ZFHX3: variants seen among roughly 807,000 people sequenced by gnomAD.
ZFHX3 encodes the protein zinc finger homeobox protein 3.
In ZFHX3, 42 loss-of-function variants were observed where a neutral mutation model predicts 279.1. The ratio of observed to expected loss-of-function variants is 0.15; its 90% confidence interval spans 0.12 to 0.19. ZFHX3 has a LOEUF of 0.19. Ranked by LOEUF, ZFHX3 falls within the 10% of genes least tolerant of loss-of-function variation. The probability of loss-of-function intolerance (pLI) is 1.00; values close to 1 mark genes in which losing one functional copy is unlikely to be tolerated. For missense variants in ZFHX3, 4,981 were observed against 4,754.0 expected (o/e 1.05, Z -1.40); for synonymous variants, 2,293 against 1,957.8 (o/e 1.17, Z -4.52).
intron 4 of ZFHX3, among the ~76,000 whole-genome samples, chr16:72,857,999 A>G (rs12445722): frequency 0.043 from 6,481 of 152,300 alleles, 283 homozygotes; most frequent in African/African-American, 0.11. Flanking sequence ...CCTCAGCCTG[A>G]AAGGCGGGGC....
intron 1 of ZFHX3, among the ~76,000 whole-genome samples, chr16:73,055,428 C>CA (rs1306764085): frequency 6.6e-6 from 1 of 151,936 alleles, no homozygotes; most frequent in Non-Finnish European, 1.5e-5. Flanking sequence ...AAATATACAC[C>CA]AAAAAATAAA....
rs1350653768 is a variant in ZFHX3 at position 73,600,901 on chromosome 16, C to T, written c.-1547+79279G>A. 2.0e-5 allele frequency among the ~76,000 whole-genome samples: 3 copies of T among 152,068 alleles called. No homozygotes were observed. The East Asian group carries it at 5.8e-4, about 29-fold the overall frequency. On this transcript the variant is annotated intron_variant, in intron 2 of 17. Transcript: ENST00000641206. ...ATGGGGATTGGAACCCAGTCTAACT[C>T]CAGATCCACAAGCTATTCTTTACAC...
At chr16:73,266,861 C>A (rs2013991071) in intron 4 of ZFHX3, among the ~76,000 whole-genome samples, 1 of 152,214 alleles carries the variant, frequency 6.6e-6, no homozygotes, top group African/African-American at 2.4e-5. Flanking sequence ...GCCTCCCTAG[C>A]CATGTGGAAC....
chr16:73,335,581 A>G (rs987366656), intron 3 of ZFHX3, among the ~76,000 whole-genome samples: 3 of 152,216 alleles, frequency 2.0e-5, no homozygotes, highest in Admixed American at 6.5e-5. Flanking sequence ...TTCGTTGCCA[A>G]TGAAGATTCA....
intron 1 of ZFHX3, among the ~76,000 whole-genome samples, chr16:72,979,090 G>A (rs755360946): frequency 2.0e-5 from 3 of 152,154 alleles, no homozygotes; most frequent in Non-Finnish European, 4.4e-5. Flanking sequence ...CAACAGGAGA[G>A]CTCACACCTG....
intron 2 of ZFHX3, among the ~76,000 whole-genome samples, chr16:73,515,485 G>GA (rs1220701870): frequency 6.7e-6 from 1 of 149,806 alleles, no homozygotes; most frequent in East Asian, 2.0e-4. Flanking sequence ...GGAAAAAGAA[G>GA]AAACAGAGAG....
intron 1 of ZFHX3, among the ~76,000 whole-genome samples, chr16:72,993,586 A>C (rs1379279774): frequency 6.6e-6 from 1 of 152,184 alleles, no homozygotes; most frequent in Non-Finnish European, 1.5e-5. Flanking sequence ...ACAACAAGCG[A>C]TGCCCAACAG....
intron 5 of ZFHX3, among the ~76,000 whole-genome samples, chr16:73,167,808 G>A (rs1316125717): frequency 6.6e-6 from 1 of 152,206 alleles, no homozygotes. Context: ...AACAATTTTT[G>A]CCTTCGGATT....
intron 2 of ZFHX3, among the ~76,000 whole-genome samples, chr16:73,623,219 G>A (rs1173898685): frequency 6.6e-6 from 1 of 152,076 alleles, no homozygotes. Flanking sequence ...TGTATTTTTA[G>A]TAGAGACGGA....
chr16:72,944,235 A>C (rs1312945806), intron 3 of ZFHX3, among the ~76,000 whole-genome samples: 3 of 152,192 alleles, frequency 2.0e-5, no homozygotes, highest in East Asian at 3.9e-4. Flanking sequence ...CAGCCAGCCG[A>C]GATCACGCCA....
intron 3 of ZFHX3, among the ~76,000 whole-genome samples, chr16:73,375,161 G>A (rs2016701128): frequency 1.3e-5 from 2 of 151,794 alleles, no homozygotes; most frequent in Admixed American, 1.3e-4. Context: ...TGAGGTTTTG[G>A]TTTTCCTTCA....
chr16:73,035,326 A>G (rs959747824), intron 1 of ZFHX3, among the ~76,000 whole-genome samples: 1 of 152,182 alleles, frequency 6.6e-6, no homozygotes, highest in Non-Finnish European at 1.5e-5. Context: ...CGTGGCTTAC[A>G]CTGTATTTCT....
At chr16:73,686,371 C>T (rs1017501963) in intron 1 of ZFHX3, among the ~76,000 whole-genome samples, 2 of 152,130 alleles carry the variant, frequency 1.3e-5, no homozygotes, top group South Asian at 4.1e-4. Flanking sequence ...TGGGATAAGG[C>T]GTGAGCCACC....
intron 4 of ZFHX3, among the ~76,000 whole-genome samples, chr16:72,844,760 T>C (rs975514042): frequency 2.0e-5 from 3 of 152,260 alleles, no homozygotes; most frequent in Admixed American, 2.0e-4. Flanking sequence ...TGACTCTGGT[T>C]CCTAAATTCT....
chr16:73,350,539 C>A (rs1284336453), intron 3 of ZFHX3, among the ~76,000 whole-genome samples: 1 of 152,126 alleles, frequency 6.6e-6, no homozygotes. Context: ...TCCTGGACAC[C>A]CTACACAACT....
chr16:73,049,896 T>C (rs1965418189), upstream of ZFHX3, among the ~76,000 whole-genome samples: 1 of 152,110 alleles, frequency 6.6e-6, no homozygotes, highest in Non-Finnish European at 1.5e-5. Flanking sequence ...AAACAATTAA[T>C]AATTTAATTG....
At chr16:73,193,798 C>G (rs1466408032) in intron 5 of ZFHX3, among the ~76,000 whole-genome samples, 21 of 152,218 alleles carry the variant, frequency 1.4e-4, no homozygotes, top group Admixed American at 1.4e-3. Flanking sequence ...CTCTGTGTTT[C>G]AGCATCCTCA....
At chr16:73,623,343 T>C (rs1260163566) in intron 2 of ZFHX3, among the ~76,000 whole-genome samples, 2 of 152,138 alleles carry the variant, frequency 1.3e-5, no homozygotes, top group Non-Finnish European at 2.9e-5. Context: ...GCCGGGCACA[T>C]TGTATTTTTG....
intron 8 of ZFHX3, chr16:73,092,948 G>C (rs1966105686): frequency 5.8e-6 from 3 of 519,934 alleles, no homozygotes; most frequent in South Asian, 4.2e-5. Context: ...AAGCCAACCT[G>C]TATCCCTTCG....
Sources: allele counts gnomAD v4.1 joint callset (sites outside exome capture counted in the v4.1 genomes callset), GRCh38; gene constraint gnomAD v4.1.1; transcripts MANE v1.5; gene names NCBI Gene and HGNC (gene_info 2026-07-23, HGNC 2026-07-21).